TRPV4: variants seen among roughly 807,000 people sequenced by gnomAD.
The protein encoded by TRPV4 is transient receptor potential cation channel subfamily V member 4.
Under a neutral mutation model 84.1 loss-of-function variants are expected in TRPV4, and 58 were observed. The observed-to-expected ratio is 0.69, with a 90% confidence interval of 0.56 to 0.86. The LOEUF is 0.86. Among genes scored for constraint, TRPV4 ranks in the 40% least tolerant of loss-of-function variants. The pLI, the probability that TRPV4 is intolerant of heterozygous loss-of-function variation, is 0.00. For missense variants in TRPV4, 879 were observed against 1,181.1 expected, an observed-to-expected ratio of 0.74 and a Z score of 3.75; for synonymous variants, 489 against 500.9, an observed-to-expected ratio of 0.98 and a Z score of 0.32.
intron 3 of TRPV4, 69 bp from the exon 4 acceptor site, chr12:109,803,212 T>A: frequency 6.4e-7 from 1 of 1,573,138 alleles, no homozygotes; most frequent in Non-Finnish European, 8.7e-7. Context: ...GGCATCGGGG[T>A]ACAGAACACT....
chr12:109,799,954 ATTTT>A (rs1555207921), intron 5 of TRPV4, among the ~76,000 whole-genome samples: 1 of 88,758 alleles, frequency 1.1e-5, no homozygotes, highest in South Asian at 4.1e-4. Context: ...TTATTTATTT[ATTTT>A]TTGAGACAGA....
At chr12:109,802,057 G>A (rs940905136) in intron 4 of TRPV4, among the ~76,000 whole-genome samples, 3 of 151,470 alleles carry the variant, frequency 2.0e-5, no homozygotes, top group Admixed American at 6.6e-5. Flanking sequence ...TAGAGTATCC[G>A]CCACCACAGC....
chr12:109,813,272 G>A (rs778109816), intron 2 of TRPV4, among the ~76,000 whole-genome samples: 4 of 152,176 alleles, frequency 2.6e-5, no homozygotes, highest in Non-Finnish European at 4.4e-5. Context: ...AATTAGCTGG[G>A]TGTGGTGGCG....
chr12:109,800,356 A>C, intron 5 of TRPV4, among the ~76,000 whole-genome samples: 1 of 152,180 alleles, frequency 6.6e-6, no homozygotes, highest in African/African-American at 2.4e-5. Context: ...CTGGGATGAC[A>C]GGTGTGAGAC....
intron 1 of TRPV4, among the ~76,000 whole-genome samples, chr12:109,826,354 T>A (rs1174140021): frequency 6.6e-6 from 1 of 152,176 alleles, no homozygotes; most frequent in Non-Finnish European, 1.5e-5. Context: ...AAATAATAAC[T>A]ATAGACATTA....
chr12:109,801,917 C>G (rs1420516405), intron 4 of TRPV4, among the ~76,000 whole-genome samples: 1 of 152,166 alleles, frequency 6.6e-6, no homozygotes, highest in East Asian at 1.9e-4. Flanking sequence ...GATTTTGAAT[C>G]TTAATATCCA....
intron 12 of TRPV4, among the ~76,000 whole-genome samples, chr12:109,790,065 T>G (rs761006349): frequency 6.6e-6 from 1 of 152,346 alleles, no homozygotes; most frequent in Middle Eastern, 3.4e-3. Flanking sequence ...TCCCAAACTG[T>G]TGTTGAACCC....
At chr12:109,820,974 T>C (rs1565887450) in intron 1 of TRPV4, among the ~76,000 whole-genome samples, 1 of 152,018 alleles carries the variant, frequency 6.6e-6, no homozygotes, top group Non-Finnish European at 1.5e-5. Flanking sequence ...GCGGTGGAGG[T>C]CTCTGGCTCC....
intron 12 of TRPV4, among the ~76,000 whole-genome samples, chr12:109,789,812 T>C (rs1471089499): frequency 6.6e-6 from 1 of 152,238 alleles, no homozygotes; most frequent in Non-Finnish European, 1.5e-5. Context: ...TTCTGAGACC[T>C]TGTCTGGACT....
At chr12:109,802,914 A>C in intron 4 of TRPV4, 77 bp downstream of exon 4, 1 of 1,516,680 alleles carries the variant, frequency 6.6e-7, no homozygotes, top group Non-Finnish European at 9.1e-7. Flanking sequence ...CCAGATCAAA[A>C]GTCTCAGGAG....
At chr12:109,824,888 T>C (rs1370794835) in intron 1 of TRPV4, among the ~76,000 whole-genome samples, 1 of 152,222 alleles carries the variant, frequency 6.6e-6, no homozygotes, top group East Asian at 1.9e-4. Context: ...TTACATCTCA[T>C]CTGCCACTCA....
chr12:109,830,501 A>G (rs544118862), intron 1 of TRPV4, among the ~76,000 whole-genome samples: 1 of 152,304 alleles, frequency 6.6e-6, no homozygotes, highest in South Asian at 2.1e-4. Context: ...AACAGCAGCC[A>G]CTTATCTCAA....
intron 3 of TRPV4, among the ~76,000 whole-genome samples, chr12:109,805,224 G>C (rs994348083): frequency 6.6e-6 from 1 of 152,266 alleles, no homozygotes; most frequent in Non-Finnish European, 1.5e-5. Flanking sequence ...TGCCTGGTAT[G>C]TGGTAGGTGC....
intron 3 of TRPV4, among the ~76,000 whole-genome samples, chr12:109,807,458 G>A: frequency 6.8e-6 from 1 of 146,538 alleles, no homozygotes; most frequent in East Asian, 2.0e-4. Context: ...ACAGCTCACT[G>A]CAGCCTGAGC....
intron 4 of TRPV4, among the ~76,000 whole-genome samples, chr12:109,801,051 C>T (rs555122221): frequency 6.6e-6 from 1 of 152,346 alleles, no homozygotes; most frequent in South Asian, 2.1e-4. Flanking sequence ...CGCAGGCTCA[C>T]GCCTGTAATC....
At chr12:109,830,325 T>C (rs1035511072) in intron 1 of TRPV4, among the ~76,000 whole-genome samples, 1 of 152,216 alleles carries the variant, frequency 6.6e-6, no homozygotes, top group Non-Finnish European at 1.5e-5. Flanking sequence ...TTCTGCCCTC[T>C]GAAAAATAGA....
rs1390019478 is a variant in TRPV4, at chr12:109,793,087, G to A, written c.1659-270C>T. On this transcript the variant is annotated intron_variant, in intron 10 of 15. Transcript: ENST00000261740. This position sits in a 1 kb window ranked among gnomAD's most constrained non-coding sequence, Gnocchi z 4.0. The stretch of plus-strand genomic sequence containing the variant: ...AAAGAAAGATTTAGTGGTGTTCAGT[G>A]GAGATTTTGTGGCTAAGTGAATTTC... Among the ~76,000 whole-genome samples the A allele has an allele frequency of 6.6e-6, 1 of 152,190 alleles. No homozygotes were observed. Among genetic ancestry groups the A allele is most frequent in the East Asian group, 1.9e-4 (1 of 5,194 alleles).
chr12:109,792,952 A>C (rs1442343605), intron 10 of TRPV4, 135 bp from the exon 11 acceptor site: 10 of 834,924 alleles, frequency 1.2e-5, no homozygotes, highest in African/African-American at 3.4e-5. Context: ...GAAAAGAAAC[A>C]AAGTGGATTA....
intron 15 of TRPV4, 78 bp downstream of exon 15, chr12:109,784,238 A>T: frequency 1.2e-6 from 2 of 1,603,084 alleles, no homozygotes; most frequent in East Asian, 4.5e-5. Context: ...TGAGTCCCGG[A>T]AAGAAGCAGG....
Sources: gnomAD v4.1 joint callset for allele counts (sites outside exome capture counted in the v4.1 genomes callset) on GRCh38, gnomAD v4.1.1 for gene constraint, Gnocchi (gnomAD v3.1) non-coding constraint, MANE v1.5 for transcripts, NCBI Gene and HGNC (gene_info 2026-07-23, HGNC 2026-07-21) for gene names.